Variants in HS2ST1 observed in about 807,000 individuals in gnomAD.
HS2ST1 encodes the protein 2-O-sulfotransferase.
HS2ST1 carries 18 observed loss-of-function variants against 42.9 expected under a neutral mutation model. The ratio of observed to expected loss-of-function variants is 0.42; its 90% CI spans 0.29 to 0.62. The LOEUF (loss-of-function observed/expected upper bound fraction) is 0.62. Among genes scored for constraint, HS2ST1 ranks in the 20% least tolerant of loss-of-function variants. HS2ST1 has a pLI of 0.21. For synonymous variants in HS2ST1, 146 were observed against 152.9 expected, an observed-to-expected ratio of 0.95 and a Z score of 0.33; for missense variants, 334 against 433.8, an observed-to-expected ratio of 0.77 and a Z score of 2.04.
chr1:86,931,632 G>A (rs954236377), intron 1 of HS2ST1, among the ~76,000 whole-genome samples: 3 of 152,000 alleles, frequency 2.0e-5, no homozygotes, highest in African/African-American at 7.2e-5. Context: ...AGGATTTTGT[G>A]CCGTACATGA....
intron 1 of HS2ST1, among the ~76,000 whole-genome samples, chr1:86,961,952 T>A (rs974898674): frequency 2.0e-5 from 3 of 152,336 alleles, no homozygotes; most frequent in East Asian, 1.9e-4. Flanking sequence ...GAGTTTTTTT[T>A]ATGACTAATA....
intron 2 of HS2ST1, among the ~76,000 whole-genome samples, chr1:87,073,424 A>T (rs1027589808): frequency 1.3e-5 from 2 of 152,164 alleles, no homozygotes; most frequent in Admixed American, 6.5e-5. Context: ...TTTTTGAGAA[A>T]ACTGATGTTC....
chr1:87,073,783 GC>G (rs1651475598), intron 2 of HS2ST1, among the ~76,000 whole-genome samples: 1 of 152,116 alleles, frequency 6.6e-6, no homozygotes, highest in South Asian at 2.1e-4. Flanking sequence ...AATAGTAGTA[GC>G]ATACATTTCT....
At chr1:86,963,805 CCCCTGGA>C (rs1647938974) in intron 1 of HS2ST1, among the ~76,000 whole-genome samples, 6 of 139,998 alleles carry the variant, frequency 4.3e-5, no homozygotes, top group Non-Finnish European at 3.0e-5. Flanking sequence ...CCCACCTCCC[CCCCTGGA>C]CGGGGCGGCT....
intron 1 of HS2ST1, among the ~76,000 whole-genome samples, chr1:86,952,820 G>A (rs1280938678): frequency 6.6e-6 from 1 of 152,168 alleles, no homozygotes; most frequent in African/African-American, 2.4e-5. Context: ...CACAGGCAGA[G>A]TCGATTTAGC....
chr1:86,937,451 T>G (rs1660680783), intron 1 of HS2ST1, among the ~76,000 whole-genome samples: 1 of 152,202 alleles, frequency 6.6e-6, no homozygotes, highest in South Asian at 2.1e-4. Context: ...TCATGCAAGT[T>G]GTATGCATTC....
intron 1 of HS2ST1, among the ~76,000 whole-genome samples, chr1:86,931,240 G>C (rs772331541): frequency 2.0e-5 from 3 of 151,962 alleles, no homozygotes; most frequent in Non-Finnish European, 4.4e-5. Flanking sequence ...ATTCTACCTT[G>C]TCCTGAAAAA....
At chr1:86,973,954 A>G (rs1648313818) in intron 1 of HS2ST1, among the ~76,000 whole-genome samples, 1 of 152,176 alleles carries the variant, frequency 6.6e-6, no homozygotes, top group Non-Finnish European at 1.5e-5. Context: ...AGAGTAAGAA[A>G]TATATTTTTG....
intron 1 of HS2ST1, among the ~76,000 whole-genome samples, chr1:87,009,816 C>T (rs7534815): frequency 0.77 from 116,651 of 151,546 alleles, 45,863 homozygotes; most frequent in East Asian, 0.97. Flanking sequence ...GGGTGGATCA[C>T]GAGGTCAGGA....
At chr1:86,994,489 A>G (rs1039987449) in intron 1 of HS2ST1, among the ~76,000 whole-genome samples, 3 of 152,192 alleles carry the variant, frequency 2.0e-5, no homozygotes, top group Non-Finnish European at 4.4e-5. Flanking sequence ...CTAGAATACA[A>G]AATTACTTGT....
chr1:86,990,812 T>TATATATATA (rs1553135487), intron 1 of HS2ST1, among the ~76,000 whole-genome samples: 3 of 10,250 alleles, frequency 2.9e-4, no homozygotes, highest in Non-Finnish European at 4.4e-4. Context: ...CTGGCTAATT[T>TATATATATA]TATATATATA....
chr1:86,976,704 G>GTATA lies in HS2ST1; in HGVS notation c.124+61558_124+61561dup, dbSNP rs147039703. ...AAATCCATCTTTTCTTTATAAAATT[G>GTATA]TATATATATATATATATTTTAAATG... On this transcript the variant is annotated intron_variant, in intron 1 of 6. Transcript: ENST00000370550. Among the ~76,000 whole-genome samples, 420 of 79,706 alleles carry GTATA rather than the reference G, an allele frequency of 5.3e-3. 55 individuals carry two copies. Among genetic ancestry groups the GTATA allele is most frequent in the East Asian group, 0.027 (42 of 1,578 alleles). 52.3% of individuals were successfully genotyped at this position (79,706 alleles called of 152,430 possible). A position where few individuals can be genotyped will look rare whatever the true frequency, so the allele number is the denominator to read the frequency against.
intron 1 of HS2ST1, among the ~76,000 whole-genome samples, chr1:87,038,588 G>T (rs1381754841): frequency 6.6e-6 from 1 of 152,108 alleles, no homozygotes; most frequent in African/African-American, 2.4e-5. Flanking sequence ...GTGAATTACT[G>T]TACTGCTTTA....
chr1:87,070,081 G>T (rs535066538), intron 1 of HS2ST1, among the ~76,000 whole-genome samples: 1 of 151,716 alleles, frequency 6.6e-6, no homozygotes, highest in Non-Finnish European at 1.5e-5. Context: ...TTTCTTTAGC[G>T]CAAACTCCTA....
chr1:86,987,506 G>A (rs1648823061), intron 1 of HS2ST1, among the ~76,000 whole-genome samples: 1 of 152,182 alleles, frequency 6.6e-6, no homozygotes, highest in African/African-American at 2.4e-5. Context: ...AAACCATACT[G>A]CAGAATCAGC....
At chr1:87,026,005 A>G (rs1049658987) in intron 1 of HS2ST1, among the ~76,000 whole-genome samples, 16 of 152,194 alleles carry the variant, frequency 1.1e-4, no homozygotes, top group African/African-American at 3.9e-4. Flanking sequence ...TTAAAAAAAT[A>G]TATTCTTATT....
At chr1:86,947,944 A>G (rs1482883694) in intron 1 of HS2ST1, among the ~76,000 whole-genome samples, 1 of 152,184 alleles carries the variant, frequency 6.6e-6, no homozygotes, top group African/African-American at 2.4e-5. Context: ...GAAACAATGT[A>G]GGTTGTGAGT....
intron 2 of HS2ST1, among the ~76,000 whole-genome samples, chr1:87,075,293 A>G (rs1477237406): frequency 6.7e-6 from 1 of 149,854 alleles, no homozygotes; most frequent in South Asian, 2.1e-4. Flanking sequence ...CAGCCTCCCA[A>G]GTAGCGAGGA....
chr1:86,998,108 C>G (rs1434149034), intron 1 of HS2ST1, among the ~76,000 whole-genome samples: 1 of 152,138 alleles, frequency 6.6e-6, no homozygotes, highest in Admixed American at 6.5e-5. Flanking sequence ...CAAGGATATC[C>G]TTGTGTTGGT....
Sources: gnomAD v4.1 joint callset for allele counts (sites outside exome capture counted in the v4.1 genomes callset) on GRCh38, gnomAD v4.1.1 for gene constraint, MANE v1.5 for transcripts, NCBI Gene and HGNC (gene_info 2026-07-23, HGNC 2026-07-21) for gene names.